The following TLN2 variants were observed in gnomAD, a reference collection of about 807,000 sequenced individuals.
TLN2 encodes the protein talin 2, also known as talin-2.
TLN2 carries 118 observed loss-of-function variants against 294.7 expected under a neutral mutation model. The ratio of observed to expected loss-of-function variants is 0.40; its 90% CI spans 0.34 to 0.47. The LOEUF (loss-of-function observed/expected upper bound fraction) is 0.47. TLN2 is among the 20% of genes least tolerant of loss of function. TLN2 has a pLI of 0.84. For missense variants in TLN2, 3,083 were observed against 3,282.2 expected, an observed-to-expected ratio of 0.94 and a Z score of 1.48; for synonymous variants, 1,431 against 1,304.5, an observed-to-expected ratio of 1.10 and a Z score of -2.09.
At chr15:62,563,206 C>G (rs2043124146) in intron 1 of TLN2, among the ~76,000 whole-genome samples, 1 of 152,026 alleles carries the variant, frequency 6.6e-6, no homozygotes, top group Non-Finnish European at 1.5e-5. Context: ...GTTTACATTC[C>G]CACCAGCAGT....
chr15:62,783,928 A>G (rs2064410196), intron 45 of TLN2, 38 bp downstream of exon 45: 1 of 1,610,728 alleles, frequency 6.2e-7, no homozygotes, highest in Non-Finnish European at 8.5e-7. Flanking sequence ...AGATGCACAC[A>G]CACACTGGTG....
In TLN2 at chr15:62,833,711, G is replaced by A; in HGVS notation, c.7128+82G>A. 1.9e-6 allele frequency: 3 copies of A among 1,541,046 alleles called. No individual in the cohort carries two copies. In the Admixed American group the frequency reaches 5.9e-5, roughly 31 times the overall value. ...CCCAGGAAAAGAGCTACAAGCTTTT[G>A]TCCTGACCAAGGAAACACATGCAGT... On this transcript the variant is annotated intron_variant, in intron 55 of 58. Coordinates refer to ENST00000636159, the MANE Select transcript of TLN2 (RefSeq NM_015059.3).
chr15:62,696,642 A>G (rs1285771956), intron 14 of TLN2, among the ~76,000 whole-genome samples: 2 of 152,234 alleles, frequency 1.3e-5, no homozygotes, highest in Non-Finnish European at 2.9e-5. Flanking sequence ...CAGGAGGCAG[A>G]GGTTGCAGTG....
chr15:62,609,917 G>A (rs1284540997), intron 2 of TLN2, among the ~76,000 whole-genome samples: 1 of 151,988 alleles, frequency 6.6e-6, no homozygotes, highest in Non-Finnish European at 1.5e-5. Context: ...TCATTATTTT[G>A]ACATTCAAAT....
chr15:62,792,499 C>T (rs2065142587), intron 45 of TLN2, 142 bp from the exon 46 acceptor site: 3 of 1,151,202 alleles, frequency 2.6e-6, no homozygotes, highest in Non-Finnish European at 3.6e-6. Flanking sequence ...TTCCATACTT[C>T]ACCAAACACA....
intron 32 of TLN2, among the ~76,000 whole-genome samples, chr15:62,744,125 T>C (rs911316860): frequency 1.6e-4 from 25 of 152,308 alleles, no homozygotes; most frequent in African/African-American, 6.0e-4. Context: ...CAGCCCTGAC[T>C]TTTCCAATTG....
chr15:62,500,063 G>A (rs984510684), intron 1 of TLN2, among the ~76,000 whole-genome samples: 1 of 152,118 alleles, frequency 6.6e-6, no homozygotes, highest in Non-Finnish European at 1.5e-5. Context: ...TAGGCCAGGC[G>A]CAGTGGCTCA....
intron 1 of TLN2, among the ~76,000 whole-genome samples, chr15:62,465,310 C>T (rs958461768): frequency 2.0e-5 from 3 of 151,922 alleles, no homozygotes; most frequent in Non-Finnish European, 2.9e-5. Context: ...CCTGGAGAAT[C>T]CGTGGCTTGG....
At chr15:62,741,992 A>G (rs1305816725) in intron 32 of TLN2, among the ~76,000 whole-genome samples, 1 of 56,912 alleles carries the variant, frequency 1.8e-5, no homozygotes, top group Non-Finnish European at 3.5e-5. Context: ...CATGGTCCAA[A>G]CATGTCCTTC....
chr15:62,391,204 C>T (rs1023495413), intron 1 of TLN2, among the ~76,000 whole-genome samples: 1 of 152,258 alleles, frequency 6.6e-6, no homozygotes, highest in Non-Finnish European at 1.5e-5. Context: ...AAGTCTCCCG[C>T]CGAGGCTCTG....
At chr15:62,840,410 A>G (rs2070512990) in intron 58 of TLN2, 72 bp from the exon 59 acceptor site, 32 of 1,585,676 alleles carry the variant, frequency 2.0e-5, no homozygotes, top group Non-Finnish European at 2.6e-5. Flanking sequence ...TGGAGCTCAC[A>G]TGAGCAGTGG....
intron 1 of TLN2, among the ~76,000 whole-genome samples, chr15:62,399,256 CAAAA>C (rs546678440): frequency 7.0e-4 from 41 of 58,436 alleles, no homozygotes; most frequent in African/African-American, 2.1e-3. Flanking sequence ...CCGTCTCAAA[CAAAA>C]AAAAAAAAAA....
intron 2 of TLN2, among the ~76,000 whole-genome samples, chr15:62,603,152 A>G (rs2047143404): frequency 6.6e-6 from 1 of 152,102 alleles, no homozygotes; most frequent in Non-Finnish European, 1.5e-5. Flanking sequence ...TCGGCCTCCC[A>G]CAGTGCTGGG....
chr15:62,702,871 T>G lies in TLN2; in HGVS notation c.2004+7T>G. On this transcript the variant is annotated splice_region_variant and intron_variant, in intron 19 of 58. Transcript: ENST00000636159. ...GACTGATGAGCGATTCCAGGTAAGA[T>G]ATTTGCAGGCTTATAGTCATGGAAA... The G allele has an allele frequency of 6.2e-7, 1 of 1,613,200 alleles. No homozygotes were observed. The highest frequency in any genetic ancestry group is 8.5e-7 in the Non-Finnish European group (1 of 1,179,182).
chr15:62,791,434 G>T (rs892062747), intron 45 of TLN2, among the ~76,000 whole-genome samples: 3 of 152,154 alleles, frequency 2.0e-5, no homozygotes, highest in Admixed American at 6.5e-5. Context: ...TCTACTAAAT[G>T]GATTTAAAAG....
chr15:62,631,676 CCTCT>C (rs566614671), intron 3 of TLN2, among the ~76,000 whole-genome samples: 2 of 90,076 alleles, frequency 2.2e-5, no homozygotes, highest in East Asian at 2.5e-4. Context: ...TCTCTTTCCT[CCTCT>C]CTTTCTGTCT....
chr15:62,411,429 A>ATGTGTGTGTGTGTG (rs71125998), intron 1 of TLN2, among the ~76,000 whole-genome samples: 304 of 136,672 alleles, frequency 2.2e-3, no homozygotes, highest in East Asian at 5.1e-3. Context: ...TGAGTAATGG[A>ATGTGTGTGTGTGTG]TGTGTGTGTG....
chr15:62,608,021 G>C (rs997021397), intron 2 of TLN2, among the ~76,000 whole-genome samples: 1 of 152,206 alleles, frequency 6.6e-6, no homozygotes, highest in Non-Finnish European at 1.5e-5. Context: ...CGAAGGACAT[G>C]TGTTGTATCT....
intron 45 of TLN2, among the ~76,000 whole-genome samples, chr15:62,789,332 T>TA (rs2064916046): frequency 1.3e-5 from 2 of 152,166 alleles, no homozygotes; most frequent in South Asian, 4.1e-4. Context: ...TTGCCTCACT[T>TA]ACTCTCATCC....
Sources: gnomAD v4.1 joint callset for allele counts (sites outside exome capture counted in the v4.1 genomes callset) on GRCh38, gnomAD v4.1.1 for gene constraint, MANE v1.5 for transcripts, NCBI Gene and HGNC (gene_info 2026-07-23, HGNC 2026-07-21) for gene names.